The following DOCK4 variants were observed in gnomAD, a reference collection of about 807,000 sequenced individuals.
DOCK4 encodes the protein dedicator of cytokinesis protein 4.
A neutral mutation model predicts 268.1 loss-of-function variants in DOCK4; 97 were observed. That is an observed-to-expected ratio of 0.36 (90% CI 0.31 to 0.43). DOCK4 has a LOEUF of 0.43. Ranked by LOEUF, DOCK4 falls within the 20% of genes least tolerant of loss-of-function variation. DOCK4 has a pLI of 1.00. For missense variants in DOCK4, 2,145 were observed against 2,455.7 expected (o/e 0.87, Z 2.67); for synonymous variants, 954 against 887.2 (o/e 1.08, Z -1.34).
chr7:111,758,990 G>C (rs1797214295), intron 40 of DOCK4, among the ~76,000 whole-genome samples, 200 bp from the exon 41 acceptor site: 2 of 152,124 alleles, frequency 1.3e-5, no homozygotes, highest in African/African-American at 4.8e-5. Context: ...TCTTGAACTA[G>C]TTCTAGGTAG....
intron 26 of DOCK4, among the ~76,000 whole-genome samples, chr7:111,831,622 C>T (rs1802816844): frequency 6.6e-6 from 1 of 151,916 alleles, no homozygotes. Flanking sequence ...GTAGCTGGGA[C>T]TATAGATGTG....
At chr7:111,846,628 T>G (rs909804437) in intron 24 of DOCK4, among the ~76,000 whole-genome samples, 1 of 151,996 alleles carries the variant, frequency 6.6e-6, no homozygotes, top group South Asian at 2.1e-4. Context: ...CTGAGTATCA[T>G]GAAGTAGCCT....
In DOCK4 at chr7:111,989,144, A is replaced by G; in HGVS notation, c.335T>C (p.Phe112Ser). The G allele has an allele frequency of 6.2e-7, 1 of 1,613,998 alleles. No homozygotes were observed. Among genetic ancestry groups the G allele is most frequent in the Non-Finnish European group, 8.5e-7 (1 of 1,179,888 alleles). ...QLYVRNEGDLFHRLWHIMNEI... is the reference protein window; with the variant it reads ...QLYVRNEGDLSHRLWHIMNEI... ...ATTCATGATGTGCCACAGCCGGTGG[A>G]AGAGATCGCCTTCATTACGCTAAGA... The change falls in exon 6 of 53, where the codon TTC (phenylalanine) becomes TCC (serine). Residue 112 changes from phenylalanine to serine, a missense_variant. This residue lies in a region of DOCK4 where 1,598 missense variants were observed against 1,986.7 expected (regional missense o/e 0.80). Transcript: ENST00000428084.
chr7:111,863,119 T>C, intron 23 of DOCK4: 1 of 458,642 alleles, frequency 2.2e-6, no homozygotes, highest in Non-Finnish European at 4.0e-6. Flanking sequence ...TAAGCATCTC[T>C]GAAGGAGTGT....
intron 25 of DOCK4, among the ~76,000 whole-genome samples, chr7:111,838,612 G>A (rs1234396437): frequency 6.6e-6 from 1 of 152,118 alleles, no homozygotes; most frequent in Non-Finnish European, 1.5e-5. Context: ...TGTACTACAT[G>A]ATTCCATTCA....
In DOCK4 at chr7:112,128,284, G is replaced by T. The variant is rs576779734; in HGVS notation, c.37+77818C>A. ...CTGCCCGGCCAGCCGCCCCGTCCGG[G>T]AGGGAGGTGGGGGGGGTCAGCCCCC... is the stretch of plus-strand genomic sequence containing the variant. On this transcript the variant is annotated intron_variant, in intron 1 of 52. Coordinates refer to ENST00000428084, the MANE Select transcript of DOCK4 (RefSeq NM_001363540.2). 2.3e-3 allele frequency among the ~76,000 whole-genome samples: 353 copies of T among 151,702 alleles called. 1 individual carries two copies. The highest frequency in any genetic ancestry group is 8.1e-3 in the African/African-American group (335 of 41,360).
rs149892842 is a variant in DOCK4 at position 111,735,915 on chromosome 7, T to C, written c.5306-748A>G. ...TTTCAACATTTTACCACTCGACCAT[T>C]TTCACTTAATGGGATGGAGTTACCA... On this transcript the variant is annotated intron_variant, in intron 50 of 52. Transcript: ENST00000428084. Among the ~76,000 whole-genome samples, 724 of 152,274 alleles carry C rather than the reference T, an allele frequency of 4.8e-3. 6 individuals carry two copies. The highest frequency in any genetic ancestry group is 0.017 in the African/African-American group (699 of 41,550).
chr7:112,018,647 C>T (rs1242490897), intron 1 of DOCK4, among the ~76,000 whole-genome samples: 1 of 152,114 alleles, frequency 6.6e-6, no homozygotes, highest in Non-Finnish European at 1.5e-5. Flanking sequence ...CCAAAAGCTA[C>T]ATTATTTAAA....
intron 8 of DOCK4, among the ~76,000 whole-genome samples, chr7:111,954,596 A>G (rs1196047805): frequency 6.6e-6 from 1 of 152,214 alleles, no homozygotes; most frequent in Non-Finnish European, 1.5e-5. Flanking sequence ...AGATAGCAGA[A>G]GCAGGAAGAG....
chr7:111,874,939 G>C (rs1414060623), intron 17 of DOCK4, among the ~76,000 whole-genome samples: 1 of 152,168 alleles, frequency 6.6e-6, no homozygotes, highest in Non-Finnish European at 1.5e-5. Flanking sequence ...CTGAATTGTA[G>C]TAGAAATAAG....
chr7:112,011,746 C>CAAAA (rs1302082225), intron 1 of DOCK4, among the ~76,000 whole-genome samples: 4 of 56,380 alleles, frequency 7.1e-5, no homozygotes, highest in African/African-American at 1.9e-4. Context: ...AACTGAAGGT[C>CAAAA]AAAAAAAAAA....
At chr7:112,097,953 T>A (rs1563081455) in intron 1 of DOCK4, among the ~76,000 whole-genome samples, 1 of 152,200 alleles carries the variant, frequency 6.6e-6, no homozygotes, top group Non-Finnish European at 1.5e-5. Context: ...TTTACAGTGG[T>A]ATATACAAAT....
chr7:112,203,315 A>C (rs1179725564), intron 1 of DOCK4, among the ~76,000 whole-genome samples: 1 of 152,244 alleles, frequency 6.6e-6, no homozygotes, highest in Non-Finnish European at 1.5e-5. Context: ...TCCTAAAATC[A>C]GAACACTTAT....
At chr7:111,832,386 T>C (rs1802896554) in intron 26 of DOCK4, among the ~76,000 whole-genome samples, 1 of 152,190 alleles carries the variant, frequency 6.6e-6, no homozygotes, top group Non-Finnish European at 1.5e-5. Flanking sequence ...ATTACTCCCC[T>C]ACAGGAACAG....
chr7:111,894,874 A>G (rs1193314681), intron 16 of DOCK4, among the ~76,000 whole-genome samples: 1 of 152,128 alleles, frequency 6.6e-6, no homozygotes, highest in Non-Finnish European at 1.5e-5. Flanking sequence ...GAGTGACCCT[A>G]ATGTCTGGGC....
chr7:111,795,294 TAAAC>T (rs139322505), intron 30 of DOCK4, among the ~76,000 whole-genome samples: 22 of 151,824 alleles, frequency 1.4e-4, no homozygotes, highest in South Asian at 4.1e-4. Flanking sequence ...AGGACTTCTC[TAAAC>T]AAACAAACAA....
At chr7:112,119,668 C>T (rs1254466718) in intron 1 of DOCK4, among the ~76,000 whole-genome samples, 1 of 152,202 alleles carries the variant, frequency 6.6e-6, no homozygotes, top group Non-Finnish European at 1.5e-5. Flanking sequence ...CCTGGGTTCA[C>T]ATCCCAGCTC....
intron 1 of DOCK4, among the ~76,000 whole-genome samples, chr7:112,185,254 G>A (rs1819404958): frequency 6.6e-6 from 1 of 152,180 alleles, no homozygotes; most frequent in African/African-American, 2.4e-5. Flanking sequence ...GAGCTCGTTT[G>A]ATCCACTACT....
chr7:111,739,314 G>C (rs527597888), intron 48 of DOCK4, 71 bp from the exon 49 acceptor site: 4 of 1,592,614 alleles, frequency 2.5e-6, no homozygotes, highest in East Asian at 4.5e-5. Context: ...GCGAGAGCCT[G>C]AACGTGTGGC....
Sources: allele counts gnomAD v4.1 joint callset (sites outside exome capture counted in the v4.1 genomes callset), GRCh38; gene constraint gnomAD v4.1.1; regional missense constraint gnomAD v4.1.1; transcripts MANE v1.5; gene names NCBI Gene and HGNC (gene_info 2026-07-23, HGNC 2026-07-21).